Variants in ANGPT1 observed in about 807,000 individuals in gnomAD.
ANGPT1 encodes angiopoietin-1.
In ANGPT1, 17 loss-of-function variants were observed where a neutral mutation model predicts 62.2. The observed-to-expected ratio is 0.27, with a 90% confidence interval of 0.19 to 0.41. The LOEUF (loss-of-function observed/expected upper bound fraction) is 0.41. Ranked by LOEUF, ANGPT1 falls within the 10% of genes least tolerant of loss-of-function variation. ANGPT1 has a pLI of 1.00. For missense variants in ANGPT1, 478 were observed against 594.9 expected (o/e 0.80, Z 2.04); for synonymous variants, 199 against 198.9 (o/e 1.00, Z 0.00).
chr8:107,306,323 AT>A (rs1814716719), intron 4 of ANGPT1, among the ~76,000 whole-genome samples: 1 of 152,166 alleles, frequency 6.6e-6, no homozygotes, highest in African/African-American at 2.4e-5. Context: ...GGCTGGTTTC[AT>A]TCATTGAATA....
intron 2 of ANGPT1, among the ~76,000 whole-genome samples, chr8:107,340,263 C>T (rs373486090): frequency 1.2e-4 from 19 of 152,102 alleles, no homozygotes; most frequent in African/African-American, 3.4e-4. Flanking sequence ...AGGAGTAAAG[C>T]GTATGTGAAA....
intron 1 of ANGPT1, among the ~76,000 whole-genome samples, chr8:107,361,545 GAATATATGTATATATTATATAT>G (rs1816164387): frequency 1.2e-4 from 3 of 26,038 alleles, no homozygotes; most frequent in Admixed American, 4.9e-4. Flanking sequence ...TATCAATATA[GAATATATGTATATATTATATAT>G]CAATATAGAA....
chr8:107,487,296 T>G (rs892822892), intron 1 of ANGPT1, among the ~76,000 whole-genome samples: 2 of 152,158 alleles, frequency 1.3e-5, no homozygotes, highest in Non-Finnish European at 2.9e-5. Flanking sequence ...GAGGTCCCTT[T>G]GAATCTTTTT....
chr8:107,354,813 G>A (rs1247297150), intron 1 of ANGPT1, among the ~76,000 whole-genome samples: 2 of 151,922 alleles, frequency 1.3e-5, no homozygotes, highest in Non-Finnish European at 2.9e-5. Flanking sequence ...TTATCACAGT[G>A]AACGGCACCA....
intron 7 of ANGPT1, 84 bp downstream of exon 7, chr8:107,284,598 A>G: frequency 8.2e-7 from 1 of 1,215,798 alleles, no homozygotes; most frequent in African/African-American, 1.6e-5. Flanking sequence ...GATGATTTTC[A>G]TTTCTTTTTT....
chr8:107,422,761 C>A (rs1336140013), intron 1 of ANGPT1, among the ~76,000 whole-genome samples: 3 of 152,128 alleles, frequency 2.0e-5, no homozygotes, highest in Non-Finnish European at 4.4e-5. Context: ...TTAACCCAAA[C>A]AAATCGGTCC....
intron 1 of ANGPT1, among the ~76,000 whole-genome samples, chr8:107,367,412 T>C (rs922992665): frequency 4.6e-5 from 7 of 152,198 alleles, no homozygotes; most frequent in Admixed American, 2.0e-4. Context: ...TTGATGTTGA[T>C]GACTGCTGAC....
chr8:107,317,491 T>A (rs1815041707), intron 4 of ANGPT1, among the ~76,000 whole-genome samples: 1 of 152,148 alleles, frequency 6.6e-6, no homozygotes. Context: ...AAACTTTTTC[T>A]TTTCTTTTTT....
intron 1 of ANGPT1, among the ~76,000 whole-genome samples, chr8:107,404,826 A>T (rs1165148624): frequency 1.3e-5 from 2 of 152,112 alleles, no homozygotes; most frequent in African/African-American, 4.8e-5. Context: ...GTGTTTGAAG[A>T]GGACTGTTCT....
At chr8:107,421,489 C>A (rs1423929345) in intron 1 of ANGPT1, among the ~76,000 whole-genome samples, 4 of 152,052 alleles carry the variant, frequency 2.6e-5, no homozygotes, top group Admixed American at 1.3e-4. Flanking sequence ...TACAAGTATC[C>A]CAAAGCTATG....
intron 2 of ANGPT1, among the ~76,000 whole-genome samples, chr8:107,344,025 C>G (rs1815751279): frequency 6.6e-6 from 1 of 152,136 alleles, no homozygotes; most frequent in Admixed American, 6.5e-5. Flanking sequence ...TCAGCCACTG[C>G]ACTCCAGCCT....
intron 4 of ANGPT1, among the ~76,000 whole-genome samples, chr8:107,311,293 T>C (rs1814856806): frequency 6.6e-6 from 1 of 152,022 alleles, no homozygotes; most frequent in African/African-American, 2.4e-5. Context: ...CACGGTATTA[T>C]GATGAAAATT....
chr8:107,282,890 C>T (rs1033849461), intron 7 of ANGPT1, among the ~76,000 whole-genome samples: 5 of 151,800 alleles, frequency 3.3e-5, no homozygotes, highest in Non-Finnish European at 7.4e-5. Flanking sequence ...GGCAGAATGG[C>T]ATACACATCA....
chr8:107,415,916 G>A (rs956550034), intron 1 of ANGPT1, among the ~76,000 whole-genome samples: 3 of 152,076 alleles, frequency 2.0e-5, no homozygotes, highest in Admixed American at 6.6e-5. Flanking sequence ...AGTGAAGAAA[G>A]GGCAGACAGA....
chr8:107,487,490 C>T (rs951493573), intron 1 of ANGPT1, among the ~76,000 whole-genome samples: 1 of 151,838 alleles, frequency 6.6e-6, no homozygotes, highest in Non-Finnish European at 1.5e-5. Context: ...CATATAAGGC[C>T]TAACATTGGA....
At chr8:107,348,264 A>G (rs1285462310) in intron 1 of ANGPT1, among the ~76,000 whole-genome samples, 1 of 152,198 alleles carries the variant, frequency 6.6e-6, no homozygotes, top group African/African-American at 2.4e-5. Context: ...GATTTAGTGA[A>G]CCATAATACA....
At chr8:107,306,873 T>C (rs1304733249) in intron 4 of ANGPT1, among the ~76,000 whole-genome samples, 1 of 151,734 alleles carries the variant, frequency 6.6e-6, no homozygotes, top group Non-Finnish European at 1.5e-5. Flanking sequence ...AGTGAGACCA[T>C]GTCTCTTCAA....
At chr8:107,400,561 CTT>C (rs781428137) in intron 1 of ANGPT1, among the ~76,000 whole-genome samples, 17 of 142,410 alleles carry the variant, frequency 1.2e-4, no homozygotes, top group Non-Finnish European at 1.1e-4. Context: ...ACATTTCTTT[CTT>C]TTTTTTTTTT....
intron 1 of ANGPT1, among the ~76,000 whole-genome samples, chr8:107,421,860 C>G (rs1374574695): frequency 6.6e-6 from 1 of 152,060 alleles, no homozygotes; most frequent in African/African-American, 2.4e-5. Flanking sequence ...TAACATTGTC[C>G]ATAAGCATGA....
Sources: gnomAD v4.1 joint callset for allele counts (sites outside exome capture counted in the v4.1 genomes callset) on GRCh38, gnomAD v4.1.1 for gene constraint, MANE v1.5 for transcripts, NCBI Gene and HGNC (gene_info 2026-07-23, HGNC 2026-07-21) for gene names.